NRXN3: variants seen among roughly 807,000 people sequenced by gnomAD.
The protein encoded by NRXN3 is neurexin III.
NRXN3 carries 32 observed loss-of-function variants against 137.6 expected under a neutral mutation model. That is an observed-to-expected ratio of 0.23 (90% CI 0.18 to 0.31). NRXN3 has a LOEUF of 0.31. Among genes scored for constraint, NRXN3 ranks in the 10% least tolerant of loss-of-function variants. NRXN3 has a pLI of 1.00. For synonymous variants in NRXN3, 798 were observed against 784.5 expected, an observed-to-expected ratio of 1.02 and a Z score of -0.29; for missense variants, 1,574 against 2,062.5, an observed-to-expected ratio of 0.76 and a Z score of 4.59.
intron 19 of NRXN3, among the ~76,000 whole-genome samples, chr14:79,766,174 T>C (rs1054369081): frequency 6.6e-6 from 1 of 152,216 alleles, no homozygotes; most frequent in Non-Finnish European, 1.5e-5. Flanking sequence ...ATAACTTCTC[T>C]GTGTGCTTGT....
chr14:79,110,418 G>C (rs2053258655), intron 15 of NRXN3, among the ~76,000 whole-genome samples: 1 of 152,216 alleles, frequency 6.6e-6, no homozygotes, highest in South Asian at 2.1e-4. Flanking sequence ...GCTGCTTGCA[G>C]AATGAACTGA....
chr14:79,402,284 T>C (rs2095222102), intron 15 of NRXN3, among the ~76,000 whole-genome samples: 1 of 152,152 alleles, frequency 6.6e-6, no homozygotes, highest in South Asian at 2.1e-4. Flanking sequence ...ACTTAACAGT[T>C]TAGAAAATAC....
intron 19 of NRXN3, among the ~76,000 whole-genome samples, chr14:79,704,471 A>G (rs1283515183): frequency 6.6e-6 from 1 of 150,604 alleles, no homozygotes; most frequent in African/African-American, 2.4e-5. Context: ...TGCTGCCACC[A>G]GCTTGAGAGA....
chr14:78,201,975 A>G (rs548622078), intron 1 of NRXN3, among the ~76,000 whole-genome samples: 30 of 152,376 alleles, frequency 2.0e-4, no homozygotes, highest in Middle Eastern at 3.4e-3. Flanking sequence ...GACCAAGGCC[A>G]TTGAATCTAA....
At chr14:78,941,205 T>C (rs1319229105) in intron 10 of NRXN3, among the ~76,000 whole-genome samples, 1 of 152,106 alleles carries the variant, frequency 6.6e-6, no homozygotes, top group Non-Finnish European at 1.5e-5. Flanking sequence ...CAATGAGAAG[T>C]AGAAAGTCAG....
Position 78,810,315 on chromosome 14 carries a change from T to C in NRXN3, c.2249-3T>C, listed in dbSNP as rs1370399245. On this transcript the variant is annotated splice_polypyrimidine_tract_variant and splice_region_variant and intron_variant, in intron 9 of 20. Transcript: ENST00000335750. ...CATCTTTCATTTATTTTTCCCCATC[T>C]AGACTGTATCAGGATAAACTGTAAC... The C allele has an allele frequency of 2.0e-6, 3 of 1,513,134 alleles. No individual in the cohort carries two copies. Among genetic ancestry groups the C allele is most frequent in the Admixed American group, 2.1e-5 (1 of 48,332 alleles). 93.7% of individuals were successfully genotyped at this position (1,513,134 alleles called of 1,614,324 possible). A position where few individuals can be genotyped will look rare whatever the true frequency, so the allele number is the denominator to read the frequency against.
intron 20 of NRXN3, among the ~76,000 whole-genome samples, chr14:79,841,555 G>C (rs2141460997): frequency 6.6e-6 from 1 of 152,314 alleles, no homozygotes; most frequent in East Asian, 1.9e-4. Flanking sequence ...CTGCTCCTGT[G>C]TTCTACGTCA....
rs530205051 is a variant in NRXN3, at chr14:79,866,686, G to A, written c.*4722G>A. 6.6e-6 allele frequency: 1 copy of A among 152,276 alleles called. No homozygotes were observed. The highest frequency in any genetic ancestry group is 6.5e-5 in the Admixed American group (1 of 15,298). The allele number at this position is 152,276 out of a possible 1,614,324, so 9.4% of individuals were successfully genotyped here. A position where few individuals can be genotyped will look rare whatever the true frequency, so the allele number is the denominator to read the frequency against. On this transcript the variant is annotated 3_prime_UTR_variant, in exon 21 of 21. Transcript: ENST00000335750. ...CTGCTTTGTCGAGTACAAAGGACTC[G>A]AGCATATTTGAAATGAAAGGTAATA...
chr14:78,478,566 C>G (rs185129480), intron 4 of NRXN3, among the ~76,000 whole-genome samples: 2 of 152,198 alleles, frequency 1.3e-5, no homozygotes, highest in African/African-American at 4.8e-5. Flanking sequence ...AAAGAGAAAG[C>G]CTTTCTAAGA....
At chr14:78,208,274 C>T (rs559047121) in intron 1 of NRXN3, among the ~76,000 whole-genome samples, 26 of 152,212 alleles carry the variant, frequency 1.7e-4, no homozygotes, top group African/African-American at 4.8e-4. Context: ...CTTAGCTTGA[C>T]CTAGAGGCCT....
At chr14:78,810,689 A>G (rs2098907390) in intron 10 of NRXN3, among the ~76,000 whole-genome samples, 1 of 152,218 alleles carries the variant, frequency 6.6e-6, no homozygotes, top group African/African-American at 2.4e-5. Context: ...GTGAACAAAA[A>G]GCTTTAGGGC....
chr14:79,590,438 AG>A (rs71454885), intron 16 of NRXN3, among the ~76,000 whole-genome samples: 68 of 150,196 alleles, frequency 4.5e-4, no homozygotes, highest in Admixed American at 7.4e-4. Context: ...AAAAAAAAAA[AG>A]ATTATGATAG....
intron 15 of NRXN3, among the ~76,000 whole-genome samples, chr14:79,371,513 C>CT (rs199695511): frequency 6.6e-6 from 1 of 152,002 alleles, no homozygotes; most frequent in African/African-American, 2.4e-5. Flanking sequence ...AAATAAATGT[C>CT]TTTTTTTAAA....
chr14:79,572,269 T>C (rs1458069839), intron 16 of NRXN3, among the ~76,000 whole-genome samples: 2 of 152,172 alleles, frequency 1.3e-5, no homozygotes, highest in African/African-American at 2.4e-5. Context: ...ACATTGACAA[T>C]GAACAGGACA....
At chr14:79,419,454 G>A (rs1471864535) in intron 15 of NRXN3, among the ~76,000 whole-genome samples, 1 of 152,070 alleles carries the variant, frequency 6.6e-6, no homozygotes, top group Non-Finnish European at 1.5e-5. Flanking sequence ...AAATGCAAAA[G>A]CCAATTTATA....
chr14:79,517,769 CT>C (rs1177520986), intron 16 of NRXN3, among the ~76,000 whole-genome samples: 1 of 151,664 alleles, frequency 6.6e-6, no homozygotes, highest in Non-Finnish European at 1.5e-5. Context: ...CATTTCTGCA[CT>C]TTTATTCTGC....
At chr14:79,108,175 T>C (rs1331005342) in intron 15 of NRXN3, among the ~76,000 whole-genome samples, 1 of 152,148 alleles carries the variant, frequency 6.6e-6, no homozygotes, top group East Asian at 1.9e-4. Flanking sequence ...GTGAATTCCC[T>C]TGGGTTAGAA....
intron 4 of NRXN3, among the ~76,000 whole-genome samples, chr14:78,614,368 C>A (rs1233060882): frequency 6.6e-6 from 1 of 151,990 alleles, no homozygotes; most frequent in Admixed American, 6.6e-5. Flanking sequence ...TCTTGTGAAG[C>A]CCCAATCTAG....
chr14:79,693,274 A>T (rs1464827844), intron 18 of NRXN3, among the ~76,000 whole-genome samples: 2 of 152,022 alleles, frequency 1.3e-5, no homozygotes, highest in African/African-American at 4.8e-5. Flanking sequence ...ATATAGAAGA[A>T]GTAACCAGGT....
Sources: gnomAD v4.1 joint callset for allele counts (sites outside exome capture counted in the v4.1 genomes callset) on GRCh38, gnomAD v4.1.1 for gene constraint, MANE v1.5 for transcripts, NCBI Gene and HGNC (gene_info 2026-07-23, HGNC 2026-07-21) for gene names.